Variants in THRB observed in about 807,000 individuals in gnomAD.
THRB encodes the protein nuclear receptor subfamily 1 group A member 2.
In THRB, 12 loss-of-function variants were observed where a neutral mutation model predicts 47.8. The ratio of observed to expected loss-of-function variants is 0.25; its 90% CI spans 0.16 to 0.41. The LOEUF (loss-of-function observed/expected upper bound fraction) is 0.41, where lower values mean the gene tolerates loss of function less well. Among genes scored for constraint, THRB ranks in the 10% least tolerant of loss-of-function variants. THRB has a pLI of 1.00. For missense variants in THRB, 348 were observed against 589.2 expected (o/e 0.59, Z 4.24); for synonymous variants, 218 against 212.2 (o/e 1.03, Z -0.24).
chr3:24,239,100 C>G (rs1314258129), intron 3 of THRB, among the ~76,000 whole-genome samples: 5 of 152,118 alleles, frequency 3.3e-5, no homozygotes, highest in African/African-American at 9.7e-5. Flanking sequence ...AGCCACCATG[C>G]CTGGCTAAGT....
At chr3:24,216,332 C>G (rs1234896180) in intron 4 of THRB, among the ~76,000 whole-genome samples, 2 of 152,252 alleles carry the variant, frequency 1.3e-5, no homozygotes, top group Non-Finnish European at 2.9e-5. Context: ...GAATTGCTGG[C>G]TGGGCGCAGT....
chr3:24,361,167 G>A (rs909803112), intron 1 of THRB, among the ~76,000 whole-genome samples: 1 of 152,138 alleles, frequency 6.6e-6, no homozygotes, highest in Non-Finnish European at 1.5e-5. Context: ...GGTCATGTGT[G>A]CCTGCACATG....
At chr3:24,288,538 C>T (rs2055574343) in intron 3 of THRB, among the ~76,000 whole-genome samples, 1 of 152,002 alleles carries the variant, frequency 6.6e-6, no homozygotes, top group Non-Finnish European at 1.5e-5. Flanking sequence ...GATTTAATAC[C>T]TGTTTATTTC....
chr3:24,163,623 T>C (rs571491237), intron 5 of THRB, among the ~76,000 whole-genome samples: 45 of 152,328 alleles, frequency 3.0e-4, no homozygotes, highest in African/African-American at 8.4e-4. Flanking sequence ...TACTATTAAA[T>C]GAAATAGCAC....
intron 3 of THRB, among the ~76,000 whole-genome samples, chr3:24,292,288 T>G (rs1182876731): frequency 6.6e-6 from 1 of 152,180 alleles, no homozygotes; most frequent in Non-Finnish European, 1.5e-5. Context: ...TATATCCTTC[T>G]GAACTGCTCA....
chr3:24,168,257 G>A (rs2039917100), intron 5 of THRB, among the ~76,000 whole-genome samples: 1 of 152,020 alleles, frequency 6.6e-6, no homozygotes, highest in South Asian at 2.1e-4. Context: ...AATCACATCT[G>A]TCACCTGTGA....
chr3:24,402,100 G>A (rs1398115797), intron 1 of THRB, among the ~76,000 whole-genome samples: 1 of 151,992 alleles, frequency 6.6e-6, no homozygotes, highest in Non-Finnish European at 1.5e-5. Context: ...TTAGAAAACA[G>A]AGCTCTGCCC....
intron 5 of THRB, among the ~76,000 whole-genome samples, chr3:24,164,083 T>C (rs1352250243): frequency 6.6e-6 from 1 of 152,156 alleles, no homozygotes; most frequent in East Asian, 1.9e-4. Context: ...CAATATCCTA[T>C]AGATTATATA....
At chr3:24,367,579 T>C (rs1361243809) in intron 1 of THRB, among the ~76,000 whole-genome samples, 2 of 152,178 alleles carry the variant, frequency 1.3e-5, no homozygotes, top group Non-Finnish European at 1.5e-5. Flanking sequence ...GAACTGATAG[T>C]AGAAAAGTTG....
At chr3:24,350,969 T>C (rs771611743) in intron 1 of THRB, among the ~76,000 whole-genome samples, 141 of 152,144 alleles carry the variant, frequency 9.3e-4, no homozygotes, top group Non-Finnish European at 1.8e-3. Context: ...TCACCCTGCA[T>C]GTAGTATCTA....
intron 1 of THRB, among the ~76,000 whole-genome samples, chr3:24,450,478 G>A (rs1052311237): frequency 2.0e-5 from 3 of 152,156 alleles, no homozygotes; most frequent in Non-Finnish European, 2.9e-5. Flanking sequence ...ATTTATGAAC[G>A]TATTCTACAT....
chr3:24,304,351 C>A (rs578005011), intron 2 of THRB, among the ~76,000 whole-genome samples: 23 of 151,712 alleles, frequency 1.5e-4, no homozygotes, highest in Non-Finnish European at 2.5e-4. Flanking sequence ...AGATCGTAAG[C>A]AAATAAAATT....
Position 24,143,639 on chromosome 3 carries a change from C to T in THRB, c.600G>A (p.Arg200=), listed in dbSNP as rs533237523. The T allele has an allele frequency of 1.9e-5, 30 of 1,614,170 alleles. No homozygotes were observed. The South Asian group carries it at 3.3e-4, about 18-fold the overall frequency. ...CGATGGACTTCTGCAGCTCTTCCCG[C>T]CGTCTTTTCTCCCGGTTCTCCTCTA... is the stretch of plus-strand genomic sequence containing the variant. ...KLIEENREKR[R]REELQKSIGH... Residue 200 remains arginine, a synonymous_variant, in exon 8 of 11, where the codon CGG becomes CGA. Transcript: ENST00000646209.
At chr3:24,206,745 A>G (rs1174124711) in intron 4 of THRB, among the ~76,000 whole-genome samples, 2 of 152,208 alleles carry the variant, frequency 1.3e-5, no homozygotes, top group Non-Finnish European at 2.9e-5. Context: ...CAAAATTGAT[A>G]GACTTCTAGC....
intron 2 of THRB, among the ~76,000 whole-genome samples, chr3:24,321,164 C>T (rs2058458610): frequency 6.6e-6 from 1 of 152,116 alleles, no homozygotes; most frequent in Non-Finnish European, 1.5e-5. Context: ...GTTTTACACC[C>T]CCAGTCTCCA....
At chr3:24,227,186 C>T (rs826220) in intron 4 of THRB, among the ~76,000 whole-genome samples, 105,920 of 152,102 alleles carry the variant, frequency 0.7, 37,824 homozygotes, top group East Asian at 0.85. Flanking sequence ...CTTATAGCAC[C>T]TGCTCTCACA....
intron 1 of THRB, among the ~76,000 whole-genome samples, chr3:24,446,166 C>T (rs2072051945): frequency 6.6e-6 from 1 of 152,152 alleles, no homozygotes; most frequent in South Asian, 2.1e-4. Context: ...AAGCTGGACA[C>T]ACTGGTCATG....
At chr3:24,381,113 C>CA (rs35253085) in intron 1 of THRB, among the ~76,000 whole-genome samples, 5,569 of 87,494 alleles carry the variant, frequency 0.064, 155 homozygotes, top group South Asian at 0.1. Context: ...GACTCTGCCT[C>CA]AAAAAAAAAA....
intron 2 of THRB, among the ~76,000 whole-genome samples, chr3:24,300,246 C>G (rs541217162): frequency 2.5e-4 from 38 of 152,282 alleles, no homozygotes; most frequent in African/African-American, 7.2e-4. Flanking sequence ...TACACTATTC[C>G]AGGTGTTGCG....
Sources: allele counts gnomAD v4.1 joint callset (sites outside exome capture counted in the v4.1 genomes callset), GRCh38; gene constraint gnomAD v4.1.1; transcripts MANE v1.5; gene names NCBI Gene and HGNC (gene_info 2026-07-23, HGNC 2026-07-21).